Variants in TUSC3 observed in about 807,000 individuals in gnomAD.
TUSC3 encodes dolichyl-diphosphooligosaccharide--protein glycosyltransferase subunit TUSC3.
Under a neutral mutation model 44.8 loss-of-function variants are expected in TUSC3, and 45 were observed. The ratio of observed to expected loss-of-function variants is 1.00; its 90% CI spans 0.79 to 1.29. The LOEUF is 1.29. Among genes scored for constraint, TUSC3 ranks in the 50% most tolerant of loss-of-function variants. The pLI, the probability that TUSC3 is intolerant of heterozygous loss-of-function variation, is 0.00. For synonymous variants in TUSC3, 212 were observed against 152.9 expected (o/e 1.39, Z -2.85); for missense variants, 519 against 437.9 (o/e 1.19, Z -1.65).
At chr8:15,657,765 A>C (rs1011023591) in intron 3 of TUSC3, among the ~76,000 whole-genome samples, 2 of 152,198 alleles carry the variant, frequency 1.3e-5, no homozygotes, top group Non-Finnish European at 2.9e-5. Flanking sequence ...AGCAGCACCC[A>C]GTGCCTCTGA....
At chr8:15,486,713 G>C (rs1800737120) in intron 2 of TUSC3, among the ~76,000 whole-genome samples, 2 of 152,110 alleles carry the variant, frequency 1.3e-5, no homozygotes, top group Admixed American at 1.3e-4. Flanking sequence ...AAAGTGCTGG[G>C]ATTACAGGCA....
At chr8:15,719,247 A>G (rs1016998113) in intron 6 of TUSC3, among the ~76,000 whole-genome samples, 1 of 151,932 alleles carries the variant, frequency 6.6e-6, no homozygotes, top group Non-Finnish European at 1.5e-5. Flanking sequence ...ACATGTTTCT[A>G]TCTTAAGGCC....
At chr8:15,760,503 C>A (rs978145110) in intron 10 of TUSC3, among the ~76,000 whole-genome samples, 4 of 152,066 alleles carry the variant, frequency 2.6e-5, no homozygotes, top group Non-Finnish European at 2.9e-5. Flanking sequence ...TGGTTTAATA[C>A]AAGACTAAGT....
chr8:15,830,497 A>G, the TUSC3 span, among the ~76,000 whole-genome samples: 7 of 152,302 alleles, frequency 4.6e-5, no homozygotes, highest in South Asian at 1.5e-3. Flanking sequence ...TAGCAAGGTC[A>G]TGTAATCAAT....
chr8:15,659,307 A>G (rs773830888), intron 3 of TUSC3, among the ~76,000 whole-genome samples, 200 bp from the exon 4 acceptor site: 1 of 152,140 alleles, frequency 6.6e-6, no homozygotes, highest in Non-Finnish European at 1.5e-5. Context: ...GTGAAGATTC[A>G]GATAACTTAG....
intron 1 of TUSC3, among the ~76,000 whole-genome samples, chr8:15,563,424 C>A (rs935916851): frequency 6.6e-6 from 1 of 151,994 alleles, no homozygotes; most frequent in African/African-American, 2.4e-5. Flanking sequence ...GATTCAAGAA[C>A]AAGCTGGAAT....
chr8:15,523,664 ATGTGTGTGTGTGTGTGTGTGTG>A (rs869090876), intron 2 of TUSC3, among the ~76,000 whole-genome samples: 3 of 42,506 alleles, frequency 7.1e-5, no homozygotes, highest in East Asian at 5.3e-4. Flanking sequence ...ATATATATAT[ATGTGTGTGTGTGTGTGTGTGTG>A]TGTGTGTGTG....
chr8:15,438,267 G>T (rs1799976969), intron 1 of TUSC3, among the ~76,000 whole-genome samples: 1 of 152,070 alleles, frequency 6.6e-6, no homozygotes, highest in Non-Finnish European at 1.5e-5. Flanking sequence ...GCTAATTTTT[G>T]TACTTTTTAG....
chr8:15,749,808 G>A (rs1811615192), intron 9 of TUSC3, among the ~76,000 whole-genome samples: 1 of 144,904 alleles, frequency 6.9e-6, no homozygotes, highest in Non-Finnish European at 1.5e-5. Flanking sequence ...AGTTTGGCCT[G>A]TGTTCTATAA....
chr8:15,499,668 C>G (rs1212497443), intron 2 of TUSC3, among the ~76,000 whole-genome samples: 1 of 152,132 alleles, frequency 6.6e-6, no homozygotes, highest in Non-Finnish European at 1.5e-5. Context: ...TTTAGTTAAA[C>G]ATTATTCTGG....
At chr8:15,850,699 G>T in the TUSC3 span, among the ~76,000 whole-genome samples, 1 of 152,118 alleles carries the variant, frequency 6.6e-6, no homozygotes, top group Non-Finnish European at 1.5e-5. Context: ...GAATGGGTGA[G>T]GTGATGATGA....
At chr8:15,841,136 T>A in the TUSC3 span, among the ~76,000 whole-genome samples, 4 of 152,248 alleles carry the variant, frequency 2.6e-5, no homozygotes, top group East Asian at 7.7e-4. Flanking sequence ...TTATTGTTCA[T>A]ATGTTCTTTG....
rs539907457 is a variant in TUSC3, at chr8:15,687,248, C to A, written c.798+13412C>A. On this transcript the variant is annotated intron_variant, in intron 6 of 10. Transcript: ENST00000503731. ...AGGTACTCTGTTTCCAGTAGTAGTA[C>A]AGATACATCATGCAGCTCATCATCT... is the stretch of plus-strand genomic sequence containing the variant. Among the ~76,000 whole-genome samples the A allele has an allele frequency of 3.3e-5, 5 of 152,156 alleles. No homozygotes were observed. The East Asian group carries it at 9.7e-4, about 29-fold the overall frequency.
rs869264757 is a variant in TUSC3, at chr8:15,504,621, ATTTTT to A, written n.189+21155_189+21159del. Among the ~76,000 whole-genome samples, 114 of 20,256 alleles carry A rather than the reference ATTTTT, an allele frequency of 5.6e-3. 1 individual carries two copies. The highest frequency in any genetic ancestry group is 0.019 in the African/African-American group (91 of 4,854). 13.3% of individuals were successfully genotyped at this position (20,256 alleles called of 152,430 possible). On this transcript the variant is annotated intron_variant and non_coding_transcript_variant, in intron 2 of 5. Transcript: ENST00000503191. ...TATATATATATATATATATATATAT[ATTTTT>A]TTTTTTTTTTTTTTTTAAGTGGGTT...
intron 2 of TUSC3, among the ~76,000 whole-genome samples, chr8:15,512,834 GTA>G (rs1488195561): frequency 7.6e-5 from 6 of 79,020 alleles, no homozygotes; most frequent in Admixed American, 2.8e-4. Flanking sequence ...GTGTGTGTGT[GTA>G]TATATATTTG....
At chr8:15,457,769 T>C (rs577283519) in intron 1 of TUSC3, among the ~76,000 whole-genome samples, 14 of 148,132 alleles carry the variant, frequency 9.5e-5, no homozygotes, top group Non-Finnish European at 2.1e-4. Context: ...ATAAATTAGA[T>C]AATCTAATAA....
At chr8:15,732,052 A>T (rs1243247177) in intron 7 of TUSC3, among the ~76,000 whole-genome samples, 1 of 152,192 alleles carries the variant, frequency 6.6e-6, no homozygotes, top group East Asian at 1.9e-4. Flanking sequence ...TGTGTGAAGA[A>T]ATGAGATAGC....
chr8:15,649,588 G>GAA (rs35737672), intron 2 of TUSC3, among the ~76,000 whole-genome samples: 5 of 127,450 alleles, frequency 3.9e-5, no homozygotes, highest in African/African-American at 1.2e-4. Context: ...CGTCTCAAAA[G>GAA]AAAAAAAAAA....
Position 15,732,764 on chromosome 8 carries a change from C to T in TUSC3, c.862+2035C>T, listed in dbSNP as rs141604195. On this transcript the variant is annotated intron_variant, in intron 7 of 10. Transcript: ENST00000503731. ...TTGAGAAGAACAAGATTACAAATCG[C>T]GTTTATATTGCAGGAGAACGAAAAG... Among the ~76,000 whole-genome samples, 393 of 152,182 alleles carry T rather than the reference C, an allele frequency of 2.6e-3. 1 individual carries two copies. The highest frequency in any genetic ancestry group is 8.3e-3 in the African/African-American group (346 of 41,494).
Sources: allele counts gnomAD v4.1 joint callset (sites outside exome capture counted in the v4.1 genomes callset), GRCh38; gene constraint gnomAD v4.1.1; transcripts MANE v1.5; gene names NCBI Gene and HGNC (gene_info 2026-07-23, HGNC 2026-07-21).